Variants in RASGEF1A observed in about 807,000 individuals in gnomAD.
RASGEF1A encodes RasGEF domain family member 1A, also known as ras-GEF domain-containing family member 1A.
Under a neutral mutation model 56.4 loss-of-function variants are expected in RASGEF1A, and 18 were observed. The observed-to-expected ratio is 0.32, with a 90% CI of 0.22 to 0.47. RASGEF1A has a LOEUF of 0.47. RASGEF1A is among the 20% of genes least tolerant of loss of function. RASGEF1A has a pLI of 1.00. For synonymous variants in RASGEF1A, 245 were observed against 242.6 expected (o/e 1.01, Z -0.09); for missense variants, 422 against 627.1 (o/e 0.67, Z 3.49).
At chr10:43,220,135 G>A (rs1840188549) in intron 1 of RASGEF1A, among the ~76,000 whole-genome samples, 1 of 152,202 alleles carries the variant, frequency 6.6e-6, no homozygotes, top group Non-Finnish European at 1.5e-5. Flanking sequence ...GTAACCGGTG[G>A]TTAGACACTG....
chr10:43,203,545 T>G (rs772888047), intron 2 of RASGEF1A, 125 bp from the exon 3 acceptor site: 174 of 1,392,180 alleles, frequency 1.2e-4, no homozygotes, highest in Non-Finnish European at 1.6e-4. Flanking sequence ...GGCCATGCCT[T>G]CACCTGCCCG....
chr10:43,258,120 G>A (rs960455762), intron 1 of RASGEF1A, among the ~76,000 whole-genome samples: 7 of 152,230 alleles, frequency 4.6e-5, no homozygotes, highest in Non-Finnish European at 5.9e-5. Flanking sequence ...TCACAGCTTC[G>A]GGGAGGGGTA....
At chr10:43,206,242 C>A (rs994085499) in intron 1 of RASGEF1A, 120 bp from the exon 2 acceptor site, 4 of 844,782 alleles carry the variant, frequency 4.7e-6, no homozygotes, top group Non-Finnish European at 7.2e-6. Context: ...AGGGGCGCAG[C>A]GGCACTGGCA....
intron 1 of RASGEF1A, among the ~76,000 whole-genome samples, chr10:43,240,720 C>A (rs1340349768): frequency 6.6e-6 from 1 of 151,904 alleles, no homozygotes; most frequent in Non-Finnish European, 1.5e-5. Context: ...GAGCCACAGA[C>A]ACCATAATGG....
At chr10:43,253,010 A>ATGG (rs1840644659) in intron 1 of RASGEF1A, among the ~76,000 whole-genome samples, 1 of 152,210 alleles carries the variant, frequency 6.6e-6, no homozygotes, top group Non-Finnish European at 1.5e-5. Context: ...AGTTCAAAGG[A>ATGG]GCCCATCGTG....
chr10:43,209,780 G>T, intron 1 of RASGEF1A, among the ~76,000 whole-genome samples: 1 of 152,156 alleles, frequency 6.6e-6, no homozygotes, highest in Non-Finnish European at 1.5e-5. Context: ...GTCCAGCTGG[G>T]GCTGGCCTGG....
At chr10:43,247,499 A>C (rs1840580078) in intron 1 of RASGEF1A, among the ~76,000 whole-genome samples, 1 of 152,274 alleles carries the variant, frequency 6.6e-6, no homozygotes, top group Non-Finnish European at 1.5e-5. Context: ...CACAAAGTGG[A>C]AACAACCCAA....
chr10:43,237,234 C>G (rs184575413), intron 1 of RASGEF1A, among the ~76,000 whole-genome samples: 2 of 152,148 alleles, frequency 1.3e-5, no homozygotes, highest in East Asian at 3.9e-4. Flanking sequence ...ATTGGAGGCA[C>G]CAGTCAAGGA....
At position 43,211,012 on chromosome 10, in the gene RASGEF1A, C is replaced by CCCAGTAGCCCCTCTGACTCCTTGGA. The variant is rs1182535539; in HGVS notation, c.-6-4891_-6-4890insTCCAAGGAGTCAGAGGGGCTACTGG. ...GCAGGGAGTGGGGGACAGGCTTGCA[C>CCCAGTAGCCCCTCTGACTCCTTGGA]GCAGCAGCCCCTCTGGTTCCTTGCA... On this transcript the variant is annotated intron_variant, in intron 1 of 12. Coordinates refer to ENST00000395810, the MANE Select transcript of RASGEF1A (RefSeq NM_145313.4). 2.8e-4 allele frequency among the ~76,000 whole-genome samples: 43 copies of CCCAGTAGCCCCTCTGACTCCTTGGA among 151,822 alleles called. 2 individuals carry two copies. Among genetic ancestry groups the CCCAGTAGCCCCTCTGACTCCTTGGA allele is most frequent in the African/African-American group, 9.7e-4 (40 of 41,318 alleles).
At chr10:43,245,112 A>C (rs1483631993) in intron 1 of RASGEF1A, among the ~76,000 whole-genome samples, 1 of 152,188 alleles carries the variant, frequency 6.6e-6, no homozygotes, top group African/African-American at 2.4e-5. Context: ...AAAATCAGAG[A>C]GGATATTACC....
chr10:43,221,598 G>A (rs2133202746), intron 1 of RASGEF1A, among the ~76,000 whole-genome samples: 1 of 152,366 alleles, frequency 6.6e-6, no homozygotes, highest in East Asian at 1.9e-4. Flanking sequence ...AGCCAGCCAG[G>A]CCTGTGGGAT....
At chr10:43,243,254 C>T (rs191895462) in intron 1 of RASGEF1A, among the ~76,000 whole-genome samples, 1,662 of 150,102 alleles carry the variant, frequency 0.011, 34 homozygotes, top group African/African-American at 0.039. Context: ...AGTGTCTCTG[C>T]CTGGCTGCCC....
chr10:43,238,837 G>T (rs1309203314), intron 1 of RASGEF1A, among the ~76,000 whole-genome samples: 1 of 152,206 alleles, frequency 6.6e-6, no homozygotes. Flanking sequence ...TGACACTCTA[G>T]GCTGGTGGAA....
intron 1 of RASGEF1A, among the ~76,000 whole-genome samples, chr10:43,242,872 G>A (rs570921559): frequency 8.5e-5 from 13 of 152,270 alleles, no homozygotes; most frequent in African/African-American, 2.4e-4. Context: ...GCGTGATCTC[G>A]GCTCACTACA....
chr10:43,217,767 G>C (rs143984128), intron 1 of RASGEF1A, among the ~76,000 whole-genome samples: 1 of 152,154 alleles, frequency 6.6e-6, no homozygotes, highest in Non-Finnish European at 1.5e-5. Context: ...TCCCACAACC[G>C]GGCTGCATCC....
intron 1 of RASGEF1A, among the ~76,000 whole-genome samples, chr10:43,211,215 C>A (rs950496704): frequency 6.6e-6 from 1 of 152,200 alleles, no homozygotes; most frequent in African/African-American, 2.4e-5. Context: ...GTCCCAGGGG[C>A]CCAGCCTGCT....
At chr10:43,200,556 GCACTTCCCTGATGGCT>G (rs1161368187) in intron 5 of RASGEF1A, 95 bp downstream of exon 5, 11 of 978,450 alleles carry the variant, frequency 1.1e-5, no homozygotes, top group Non-Finnish European at 1.7e-5. Flanking sequence ...GCTGGCAAGC[GCACTTCCCTGATGGCT>G]CAGTGTGACT....
At chr10:43,248,751 G>A (rs1256722320) in intron 1 of RASGEF1A, among the ~76,000 whole-genome samples, 1 of 152,082 alleles carries the variant, frequency 6.6e-6, no homozygotes. Flanking sequence ...TTAAGGCTAG[G>A]TAATGGTATT....
intron 1 of RASGEF1A, among the ~76,000 whole-genome samples, chr10:43,230,852 T>C (rs1840356966): frequency 6.6e-6 from 1 of 152,164 alleles, no homozygotes; most frequent in African/African-American, 2.4e-5. Context: ...GCTGGCTCGA[T>C]GGGCAGTTGT....
Sources: gnomAD v4.1 joint callset for allele counts (sites outside exome capture counted in the v4.1 genomes callset) on GRCh38, gnomAD v4.1.1 for gene constraint, MANE v1.5 for transcripts, NCBI Gene and HGNC (gene_info 2026-07-23, HGNC 2026-07-21) for gene names.